Variants in POLR1C observed in about 807,000 individuals in gnomAD.
The protein encoded by POLR1C is RNA polymerase I and III subunit C, also known as DNA-directed RNA polymerases I and III subunit RPAC1.
Under a neutral mutation model 38.3 loss-of-function variants are expected in POLR1C, and 42 were observed. The ratio of observed to expected loss-of-function variants is 1.10; its 90% CI spans 0.86 to 1.42. The LOEUF (loss-of-function observed/expected upper bound fraction) is 1.42. Among genes scored for constraint, POLR1C ranks in the 40% most tolerant of loss-of-function variants. POLR1C has a pLI of 0.00. For synonymous variants in POLR1C, 163 were observed against 163.9 expected, an observed-to-expected ratio of 0.99 and a Z score of 0.04; for missense variants, 507 against 450.5, an observed-to-expected ratio of 1.13 and a Z score of -1.14.
chr6:43,535,820 A>C (rs1794282423), intron 9 of POLR1C, among the ~76,000 whole-genome samples: 1 of 144,586 alleles, frequency 6.9e-6, no homozygotes, highest in South Asian at 2.2e-4. Flanking sequence ...TCTCAAAAAA[A>C]AAAAAAAAAA....
chr6:43,558,739 T>C, intron 10 of POLR1C: 1 of 593,506 alleles, frequency 1.7e-6, no homozygotes, highest in Non-Finnish European at 2.8e-6. Context: ...TTCAGTTCTA[T>C]CACAGGTCCA....
Position 43,520,794 on chromosome 6 carries a change from G to C in POLR1C, c.805+20G>C, listed in dbSNP as rs745790012. 1.2e-6 allele frequency: 2 copies of C among 1,612,502 alleles called. No individual in the cohort carries two copies. Among genetic ancestry groups the C allele is most frequent in the Admixed American group, 3.3e-5 (2 of 60,006 alleles). ...TCCAAGGTATGGTATTTGGGATGCT[G>C]TTCAAGTTAGGACCTAAATTATATT... On this transcript the variant is annotated intron_variant, in intron 7 of 8. Coordinates refer to ENST00000642195, the MANE Select transcript of POLR1C (RefSeq NM_203290.4).
At chr6:43,528,567 C>A (rs1450017643) in intron 8 of POLR1C, among the ~76,000 whole-genome samples, 1 of 152,142 alleles carries the variant, frequency 6.6e-6, no homozygotes, top group South Asian at 2.1e-4. Flanking sequence ...GCAAGCATTC[C>A]TCTTTTTACC....
intron 8 of POLR1C, chr6:43,526,935 G>T (rs973039214): frequency 5.0e-6 from 3 of 594,420 alleles, no homozygotes; most frequent in South Asian, 2.0e-5. Flanking sequence ...AACTGTTTTG[G>T]TCCTTCAAGT....
At chr6:43,539,500 G>A in intron 9 of POLR1C, 1 of 1,570,880 alleles carries the variant, frequency 6.4e-7, no homozygotes, top group Admixed American at 1.7e-5. Flanking sequence ...CCTTGACCAA[G>A]CGGCCCAGCT....
intron 10 of POLR1C, among the ~76,000 whole-genome samples, chr6:43,552,413 C>A (rs770423738): frequency 1.3e-5 from 2 of 151,870 alleles, no homozygotes; most frequent in Admixed American, 1.3e-4. Flanking sequence ...AGTGCACTGG[C>A]GTGATTTTGG....
intron 9 of POLR1C, among the ~76,000 whole-genome samples, chr6:43,540,458 G>A (rs772581578): frequency 4.0e-5 from 6 of 151,804 alleles, no homozygotes; most frequent in Admixed American, 6.6e-5. Flanking sequence ...CAGCCTGGAC[G>A]ACAGAGCAAG....
chr6:43,543,283 T>C (rs779381688), intron 9 of POLR1C, among the ~76,000 whole-genome samples: 10 of 151,884 alleles, frequency 6.6e-5, no homozygotes, highest in Non-Finnish European at 1.5e-4. Flanking sequence ...AGAGAACCTA[T>C]CTCTACCAAA....
chr6:43,523,790 A>G (rs1370437165), downstream of POLR1C: 1 of 1,611,408 alleles, frequency 6.2e-7, no homozygotes, highest in South Asian at 1.1e-5. Flanking sequence ...TGGCAGTGCA[A>G]GAAGGGCCTA....
At chr6:43,520,862 G>T in intron 7 of POLR1C, 70 bp from the exon 8 acceptor site, 2 of 1,599,856 alleles carry the variant, frequency 1.3e-6, no homozygotes. Flanking sequence ...GCTCCTAAAA[G>T]TATAACCTGG....
intron 10 of POLR1C, chr6:43,553,359 A>G: frequency 6.2e-7 from 1 of 1,603,232 alleles, no homozygotes; most frequent in Non-Finnish European, 8.5e-7. Context: ...TCAGCATGGG[A>G]AATAATTACT....
chr6:43,554,841 T>G (rs954398156), intron 10 of POLR1C: 1 of 152,188 alleles, frequency 6.6e-6, no homozygotes, highest in African/African-American at 2.4e-5. Flanking sequence ...TCAGAGAATT[T>G]AGAGTCAATT....
chr6:43,524,901 TG>T, downstream of POLR1C: 2 of 1,614,042 alleles, frequency 1.2e-6, no homozygotes, highest in Non-Finnish European at 1.7e-6. Flanking sequence ...CCCGTGCATC[TG>T]TAAGCCTTTC....
At chr6:43,525,918 TC>T, downstream of POLR1C, 1 of 1,613,970 alleles carries the variant, frequency 6.2e-7, no homozygotes, top group Non-Finnish European at 8.5e-7. Flanking sequence ...CATCATTTCT[TC>T]ATCTGTTATC....
At chr6:43,549,356 G>T in intron 9 of POLR1C, 2 of 844,554 alleles carry the variant, frequency 2.4e-6, no homozygotes, top group Non-Finnish European at 3.5e-6. Flanking sequence ...GAGCCACCAT[G>T]CCCGGCCAAG....
chr6:43,551,257 A>T (rs1372044941), intron 10 of POLR1C: 1 of 1,525,244 alleles, frequency 6.6e-7, no homozygotes, highest in African/African-American at 1.4e-5. Context: ...ATTAACTTAG[A>T]AATGTCAAAA....
intron 9 of POLR1C, chr6:43,547,551 CA>C: frequency 1.3e-6 from 2 of 1,531,498 alleles, no homozygotes; most frequent in Admixed American, 3.4e-5. Flanking sequence ...TGACAAAAGA[CA>C]ACACCCTACT....
In POLR1C at chr6:43,519,835, C is replaced by G. The variant is rs1207443501; in HGVS notation, c.379C>G (p.Gln127Glu). ...TCCCCGTCTTTTTGAGTATCGGAAC[C>G]AAGGTGAGAAAATGAAATTTTGGGA... ...ADPRLFEYRN[Q>E]GDEEGTEIDT... The change falls in exon 4 of 9, where the codon CAA becomes GAA. Residue 127 changes from glutamine to glutamate, a missense_variant. Transcript: ENST00000642195. 4 of 1,613,792 alleles carry G rather than the reference C, an allele frequency of 2.5e-6. No homozygotes were observed. The highest frequency in any genetic ancestry group is 1.3e-5 in the African/African-American group (1 of 74,884).
intron 3 of POLR1C, 94 bp downstream of exon 3, chr6:43,519,534 C>G: frequency 7.3e-7 from 1 of 1,361,542 alleles, no homozygotes; most frequent in Non-Finnish European, 1.1e-6. Context: ...GTCCTTCCCT[C>G]CTTAATTTTC....
Sources: allele counts gnomAD v4.1 joint callset (sites outside exome capture counted in the v4.1 genomes callset), GRCh38; gene constraint gnomAD v4.1.1; transcripts MANE v1.5; gene names NCBI Gene and HGNC (gene_info 2026-07-23, HGNC 2026-07-21).